The following KLB variants were observed in gnomAD, a reference collection of about 807,000 sequenced individuals.
KLB encodes beta-klotho.
KLB carries 44 observed loss-of-function variants against 88.4 expected under a neutral mutation model. The observed-to-expected ratio is 0.50, with a 90% CI of 0.39 to 0.64. The LOEUF is 0.64. Ranked by LOEUF, KLB falls within the 30% of genes least tolerant of loss-of-function variation. The probability of loss-of-function intolerance (pLI) is 0.00; values close to 1 mark genes in which losing one functional copy is unlikely to be tolerated. For synonymous variants in KLB, 548 were observed against 513.4 expected, an observed-to-expected ratio of 1.07 and a Z score of -0.91; for missense variants, 1,137 against 1,304.8, an observed-to-expected ratio of 0.87 and a Z score of 1.98.
intron 1 of KLB, among the ~76,000 whole-genome samples, chr4:39,429,825 A>G (rs558927982): frequency 6.6e-6 from 1 of 152,238 alleles, no homozygotes; most frequent in Non-Finnish European, 1.5e-5. Flanking sequence ...TTACCTTGTT[A>G]CTTGGCAAAT....
intron 3 of KLB, among the ~76,000 whole-genome samples, chr4:39,440,488 G>A (rs930726833): frequency 2.6e-5 from 4 of 152,084 alleles, no homozygotes; most frequent in African/African-American, 4.8e-5. Flanking sequence ...AAGACAAGAT[G>A]TACAAGGATT....
chr4:39,441,896 C>G (rs1432029545), intron 3 of KLB: 1 of 152,020 alleles, frequency 6.6e-6, no homozygotes, highest in East Asian at 1.9e-4. Flanking sequence ...ACACAGAAAA[C>G]TAGATGTCCT....
chr4:39,448,341 A>T lies in KLB; in HGVS notation c.2790A>T (p.Ala930=), dbSNP rs781030693. ...AAGTCAGAATCAAAGGCTATTATGC[A>T]TTCAAACTGGCTGAAGAGAAATCTA... ...IDKVRIKGYY[A]FKLAEEKSKP... The change falls in exon 5 of 5, where the codon GCA becomes GCT. Residue 930 remains alanine, a synonymous_variant. Transcript: ENST00000257408. The T allele has an allele frequency of 3.1e-6, 5 of 1,612,214 alleles. No homozygotes were observed. Among genetic ancestry groups the T allele is most frequent in the Non-Finnish European group, 4.2e-6 (5 of 1,178,574 alleles).
chr4:39,410,405 T>G (rs1360190205), intron 1 of KLB, among the ~76,000 whole-genome samples: 5 of 152,238 alleles, frequency 3.3e-5, no homozygotes. Context: ...GTTTTTCAAC[T>G]ATTGTGTTTT....
intron 1 of KLB, among the ~76,000 whole-genome samples, chr4:39,430,219 C>G (rs941405071): frequency 2.0e-5 from 3 of 152,130 alleles, no homozygotes; most frequent in African/African-American, 7.2e-5. Flanking sequence ...ACAATCCAGG[C>G]TACACGGGCT....
At chr4:39,409,123 A>G (rs11942211) in intron 1 of KLB, among the ~76,000 whole-genome samples, 2,999 of 152,048 alleles carry the variant, frequency 0.02, 104 homozygotes, top group African/African-American at 0.069. Flanking sequence ...TTTCAAGGTC[A>G]TTTGCATATC....
chr4:39,413,554 G>T (rs1289172130), intron 1 of KLB, among the ~76,000 whole-genome samples: 1 of 151,624 alleles, frequency 6.6e-6, no homozygotes, highest in Non-Finnish European at 1.5e-5. Flanking sequence ...GACAAACCTT[G>T]TCTCTACAAA....
intron 1 of KLB, among the ~76,000 whole-genome samples, chr4:39,426,342 G>A (rs116585983): frequency 0.017 from 2,478 of 148,662 alleles, 34 homozygotes; most frequent in South Asian, 0.035. Flanking sequence ...TTGAACCAGG[G>A]AGAAGAAGGT....
chr4:39,422,437 C>G (rs1743110189), intron 1 of KLB, among the ~76,000 whole-genome samples: 1 of 152,120 alleles, frequency 6.6e-6, no homozygotes, highest in Non-Finnish European at 1.5e-5. Flanking sequence ...TCACCTTGTG[C>G]AAGTTACCTA....
chr4:39,423,701 A>T (rs1009112874), intron 1 of KLB, among the ~76,000 whole-genome samples: 1 of 151,828 alleles, frequency 6.6e-6, no homozygotes, highest in Non-Finnish European at 1.5e-5. Flanking sequence ...CAAATATTCT[A>T]GGCCAGGCCC....
intron 1 of KLB, among the ~76,000 whole-genome samples, chr4:39,424,948 T>G (rs901954297): frequency 1.3e-5 from 2 of 152,096 alleles, no homozygotes; most frequent in Non-Finnish European, 2.9e-5. Flanking sequence ...GTTTATATGT[T>G]GACTATCTGT....
At chr4:39,424,716 T>C (rs1743163450) in intron 1 of KLB, among the ~76,000 whole-genome samples, 1 of 146,214 alleles carries the variant, frequency 6.8e-6, no homozygotes, top group Admixed American at 6.7e-5. Context: ...ACTGCAACCT[T>C]TGCATCCCGG....
chr4:39,421,296 C>T (rs145354989), intron 1 of KLB, among the ~76,000 whole-genome samples: 1 of 152,250 alleles, frequency 6.6e-6, no homozygotes, highest in African/African-American at 2.4e-5. Context: ...TTGAAGGAAA[C>T]TCAGACAAAT....
rs1341767307 is a variant in KLB, at chr4:39,407,665, T to G, written c.716T>G (p.Ile239Ser). 6.2e-7 allele frequency: 1 copy of G among 1,614,110 alleles called. No homozygotes were observed. The highest frequency in any genetic ancestry group is 8.5e-7 in the Non-Finnish European group (1 of 1,179,966). Reference sequence around the variant, plus strand: ...GACCGTGTCAAATATTGGATTACAATTCACAACCCATATCTAGTGGCTTGG... The same window carrying G: ...GACCGTGTCAAATATTGGATTACAAGTCACAACCCATATCTAGTGGCTTGG... ...FGDRVKYWITIHNPYLVAWHG... is the reference protein window; with the variant it reads ...FGDRVKYWITSHNPYLVAWHG... The change falls in exon 1 of 5, where the codon ATT becomes AGT. Residue 239 changes from isoleucine to serine, a missense_variant. Physicochemically the swap from Ile to Ser is moderately radical, Grantham distance 142. This residue lies in a region of KLB where 597 missense variants were observed against 765.2 expected (regional missense o/e 0.78). Transcript: ENST00000257408.
Position 39,446,869 on chromosome 4 carries a change from C to T in KLB, c.2143C>T (p.Leu715=). 1 of 1,610,104 alleles carries T rather than the reference C, an allele frequency of 6.2e-7. No homozygotes were observed. The highest frequency in any genetic ancestry group is 8.5e-7 in the Non-Finnish European group (1 of 1,179,880). ...CGACACCTACGGGGCGGCGCACAAC[C>T]TGCTGGTGGCCCACGCCCTGGCCTG... ...GNDTYGAAHN[L]LVAHALAWRL... The change falls in exon 4 of 5, where the codon CTG becomes TTG. Residue 715 remains leucine (L), a synonymous_variant. Coordinates refer to ENST00000257408, the MANE Select transcript of KLB (RefSeq NM_175737.4). The surrounding 1 kb of genome is among the most constrained non-coding windows in gnomAD (Gnocchi z 6.4).
chr4:39,433,489 A>G (rs994958008), intron 1 of KLB, among the ~76,000 whole-genome samples: 12 of 152,184 alleles, frequency 7.9e-5, no homozygotes, highest in African/African-American at 2.7e-4. Flanking sequence ...ATTATTACTC[A>G]TTTATAGGAT....
intron 3 of KLB, among the ~76,000 whole-genome samples, chr4:39,444,304 C>T (rs1743686595): frequency 6.6e-6 from 1 of 150,976 alleles, no homozygotes; most frequent in Non-Finnish European, 1.5e-5. Context: ...TCATTATTGT[C>T]ACTATGATAT....
intron 1 of KLB, among the ~76,000 whole-genome samples, chr4:39,423,580 AT>A (rs1205242835): frequency 1.3e-5 from 2 of 151,824 alleles, no homozygotes; most frequent in Non-Finnish European, 2.9e-5. Flanking sequence ...GTAAACTTCA[AT>A]TTCTTTTCTA....
intron 1 of KLB, among the ~76,000 whole-genome samples, chr4:39,419,944 CAAAAAAA>C (rs34834552): frequency 3.7e-5 from 3 of 81,768 alleles, no homozygotes; most frequent in African/African-American, 1.0e-4. Flanking sequence ...AACTTCATCT[CAAAAAAA>C]AAAAAAAAAA....
Sources: gnomAD v4.1 joint callset for allele counts (sites outside exome capture counted in the v4.1 genomes callset) on GRCh38, gnomAD v4.1.1 for gene constraint, gnomAD v4.1.1 regional missense constraint, Gnocchi (gnomAD v3.1) non-coding constraint, MANE v1.5 for transcripts, NCBI Gene and HGNC (gene_info 2026-07-23, HGNC 2026-07-21) for gene names.